NGF: variants seen among roughly 807,000 people sequenced by gnomAD.
NGF encodes the protein beta-nerve growth factor.
In NGF, 4 loss-of-function variants were observed where a neutral mutation model predicts 12.8. That is an observed-to-expected ratio of 0.31 (90% CI 0.15 to 0.72). The LOEUF (loss-of-function observed/expected upper bound fraction) is 0.72. NGF is among the 30% of genes least tolerant of loss of function. The pLI is 0.69. For missense variants in NGF, 283 were observed against 330.8 expected (o/e 0.86, Z 1.12); for synonymous variants, 140 against 130.0 (o/e 1.08, Z -0.52).
At chr1:115,319,230 G>A (rs1654551471) in intron 1 of NGF, among the ~76,000 whole-genome samples, 1 of 152,190 alleles carries the variant, frequency 6.6e-6, no homozygotes, top group South Asian at 2.1e-4. Flanking sequence ...TTCTTAACCA[G>A]ACCCGGTGAC....
At chr1:115,304,777 C>T (rs542726374) in intron 1 of NGF, among the ~76,000 whole-genome samples, 2 of 152,126 alleles carry the variant, frequency 1.3e-5, no homozygotes, top group Non-Finnish European at 2.9e-5. Flanking sequence ...AAGGCCAGGC[C>T]CTGAGCATAG....
intron 1 of NGF, among the ~76,000 whole-genome samples, chr1:115,323,543 A>T (rs767736145): frequency 6.6e-6 from 1 of 152,224 alleles, no homozygotes; most frequent in Non-Finnish European, 1.5e-5. Flanking sequence ...CACAGTGCCC[A>T]GGCAGCTATG....
intron 2 of NGF, among the ~76,000 whole-genome samples, chr1:115,289,784 T>A (rs1653626029): frequency 6.6e-6 from 1 of 152,190 alleles, no homozygotes; most frequent in Non-Finnish European, 1.5e-5. Context: ...TTCCTTTTTC[T>A]GTTACTGGAA....
Position 115,305,032 on chromosome 1 carries a change from T to C in NGF, c.-136-11282A>G, listed in dbSNP as rs150187819. ...CTTCGGCCTCCACCTTAGGCTGTAA[T>C]AGAAGTATTAATAAGGATAGAATGA... is the stretch of plus-strand genomic sequence containing the variant. On this transcript the variant is annotated intron_variant, in intron 1 of 2. Transcript: ENST00000369512. 4.1e-4 allele frequency among the ~76,000 whole-genome samples: 63 copies of C among 152,312 alleles called. 2 individuals are homozygous for C. The East Asian group carries it at 0.012, about 29-fold the overall frequency.
chr1:115,330,250 A>G (rs929482431), intron 1 of NGF, among the ~76,000 whole-genome samples: 5 of 152,178 alleles, frequency 3.3e-5, no homozygotes, highest in Non-Finnish European at 7.3e-5. Context: ...ATATCTGACA[A>G]AGCCATTTGC....
intron 1 of NGF, among the ~76,000 whole-genome samples, chr1:115,319,945 G>T (rs893608672): frequency 6.6e-6 from 1 of 152,152 alleles, no homozygotes; most frequent in Admixed American, 6.5e-5. Flanking sequence ...CAAGGGGGTG[G>T]CGAAGACCAC....
chr1:115,322,739 C>G (rs1488953632), intron 1 of NGF, among the ~76,000 whole-genome samples: 1 of 152,114 alleles, frequency 6.6e-6, no homozygotes, highest in Non-Finnish European at 1.5e-5. Context: ...TTTATTACCC[C>G]CATTTTGCAG....
intron 1 of NGF, among the ~76,000 whole-genome samples, chr1:115,328,793 A>G (rs1261926034): frequency 6.6e-6 from 1 of 152,162 alleles, no homozygotes; most frequent in Non-Finnish European, 1.5e-5. Context: ...GCCCAGTGAC[A>G]GGGAGGAGGA....
Position 115,286,639 on chromosome 1 carries a change from T to C in NGF, c.157A>G (p.Ser53Gly), listed in dbSNP as rs1434235224. The change falls in exon 3 of 3, where the codon AGC (serine) becomes GGC (glycine). Residue 53 changes from serine to glycine, a missense_variant. By Grantham distance (56) the Ser-to-Gly change is moderately conservative. This residue lies in a region of NGF where 151 missense variants were observed against 141.6 expected (regional missense o/e 1.07). Transcript: ENST00000369512. The part of the protein sequence containing the change: ...SLDTALRRAR[S>G]APAAAIAARV... ...GCAGCTATCGCCGCTGCCGGGGCGC[T>C]GCGGGCTCTGCGAAGGGCAGTGTCA... is the stretch of plus-strand genomic sequence containing the variant. 4 of 1,614,228 alleles carry C rather than the reference T, an allele frequency of 2.5e-6. No homozygotes were observed. The South Asian group carries it at 3.3e-5, about 13-fold the overall frequency.
intron 1 of NGF, among the ~76,000 whole-genome samples, chr1:115,332,310 A>G (rs4320778): frequency 0.89 from 134,767 of 152,262 alleles, 59,952 homozygotes; most frequent in East Asian, 1. Flanking sequence ...CAGACATTAC[A>G]AGGCGAAGAT....
intron 2 of NGF, among the ~76,000 whole-genome samples, chr1:115,290,683 C>T (rs919876708): frequency 4.6e-5 from 7 of 152,186 alleles, no homozygotes; most frequent in Non-Finnish European, 8.8e-5. Flanking sequence ...TAAGCCACCA[C>T]GCCCTGCCCC....
At chr1:115,290,807 G>T (rs1653672343) in intron 2 of NGF, among the ~76,000 whole-genome samples, 1 of 151,986 alleles carries the variant, frequency 6.6e-6, no homozygotes, top group South Asian at 2.1e-4. Flanking sequence ...ACTCATCTTT[G>T]TTGCCCCCAG....
In NGF at chr1:115,286,642, G is replaced by A. The variant is rs766912679; in HGVS notation, c.154C>T (p.Arg52Cys). The change falls in exon 3 of 3, where the codon CGC (arginine) becomes TGC (cysteine). Residue 52 changes from arginine (R) to cysteine (C), a missense_variant. Coordinates refer to ENST00000369512, the MANE Select transcript of NGF (RefSeq NM_002506.3). ...GCTATCGCCGCTGCCGGGGCGCTGC[G>A]GGCTCTGCGAAGGGCAGTGTCAAGG... is the stretch of plus-strand genomic sequence containing the variant. Reference protein sequence around the residue: ...HSLDTALRRARSAPAAAIAAR... With the variant: ...HSLDTALRRACSAPAAAIAAR... 3 of 1,614,116 alleles carry A rather than the reference G, an allele frequency of 1.9e-6. No homozygotes were observed. The highest frequency in any genetic ancestry group is 1.7e-5 in the Admixed American group (1 of 60,012).
At chr1:115,321,279 T>C (rs7530686) in intron 1 of NGF, among the ~76,000 whole-genome samples, 97,588 of 151,974 alleles carry the variant, frequency 0.64, 32,095 homozygotes, top group Non-Finnish European at 0.72. Context: ...GCTCCTGGTA[T>C]GATGTTGGTG....
At chr1:115,289,569 C>T (rs1006619878) in intron 2 of NGF, among the ~76,000 whole-genome samples, 1 of 152,180 alleles carries the variant, frequency 6.6e-6, no homozygotes, top group Non-Finnish European at 1.5e-5. Flanking sequence ...GAGGGCAATT[C>T]TCCATAGATA....
At chr1:115,303,445 A>G (rs2101034986) in intron 1 of NGF, among the ~76,000 whole-genome samples, 1 of 151,500 alleles carries the variant, frequency 6.6e-6, no homozygotes, top group East Asian at 1.9e-4. Context: ...CTCCTCCAAC[A>G]CCATCATCAC....
rs1013905836 is a variant in NGF at position 115,319,733 on chromosome 1, C to T, written c.-137+18471G>A. 7.9e-5 allele frequency among the ~76,000 whole-genome samples: 12 copies of T among 152,140 alleles called. 1 individual carries two copies. The highest frequency in any genetic ancestry group is 2.9e-4 in the African/African-American group (12 of 41,430). On this transcript the variant is annotated intron_variant, in intron 1 of 2. Transcript: ENST00000369512. The stretch of plus-strand genomic sequence containing the variant: ...AGCAGTACCATCTCCTAAACCATGC[C>T]CTCAGCTGGGCACCCAGCCCTCGTT...
At chr1:115,296,906 T>C (rs1266504499) in intron 1 of NGF, among the ~76,000 whole-genome samples, 1 of 152,192 alleles carries the variant, frequency 6.6e-6, no homozygotes, top group East Asian at 1.9e-4. Context: ...TTTCATAGGG[T>C]AATCACTTAA....
intron 1 of NGF, among the ~76,000 whole-genome samples, chr1:115,324,562 T>C (rs1199222840): frequency 6.6e-6 from 1 of 152,128 alleles, no homozygotes; most frequent in Non-Finnish European, 1.5e-5. Flanking sequence ...TCCTGATTCC[T>C]CTCTTCCATC....
Sources: gnomAD v4.1 joint callset for allele counts (sites outside exome capture counted in the v4.1 genomes callset) on GRCh38, gnomAD v4.1.1 for gene constraint, gnomAD v4.1.1 regional missense constraint, MANE v1.5 for transcripts, NCBI Gene and HGNC (gene_info 2026-07-23, HGNC 2026-07-21) for gene names.